The following AK5 variants were observed in gnomAD, a reference collection of about 807,000 sequenced individuals.
AK5 encodes the protein adenylate kinase isoenzyme 5.
AK5 carries 27 observed loss-of-function variants against 69.5 expected under a neutral mutation model. The ratio of observed to expected loss-of-function variants is 0.39; its 90% CI spans 0.29 to 0.54. The LOEUF is 0.54. Among genes scored for constraint, AK5 ranks in the 20% least tolerant of loss-of-function variants. AK5 has a pLI of 0.71. For missense variants in AK5, 531 were observed against 700.4 expected, an observed-to-expected ratio of 0.76 and a Z score of 2.73; for synonymous variants, 260 against 244.4, an observed-to-expected ratio of 1.06 and a Z score of -0.60.
chr1:77,471,132 T>G (rs1360395172), intron 8 of AK5, among the ~76,000 whole-genome samples: 1 of 151,762 alleles, frequency 6.6e-6, no homozygotes, highest in Non-Finnish European at 1.5e-5. Context: ...TCCACCCGCC[T>G]CAGCCTCCCA....
chr1:77,359,595 A>T (rs1043610094), intron 6 of AK5, among the ~76,000 whole-genome samples: 4 of 152,248 alleles, frequency 2.6e-5, no homozygotes, highest in African/African-American at 9.6e-5. Context: ...AAAACATAAC[A>T]GTAAACCAGC....
intron 8 of AK5, among the ~76,000 whole-genome samples, chr1:77,467,739 T>G (rs1288070331): frequency 1.3e-5 from 2 of 152,214 alleles, no homozygotes; most frequent in African/African-American, 4.8e-5. Context: ...CCCACTGTCC[T>G]TTAAAGTTTT....
At chr1:77,378,822 T>G (rs367845901) in intron 6 of AK5, among the ~76,000 whole-genome samples, 1 of 152,166 alleles carries the variant, frequency 6.6e-6, no homozygotes, top group African/African-American at 2.4e-5. Context: ...ATGCTTACAA[T>G]CTCTAGGCTG....
At chr1:77,484,847 A>G (rs542348571) in intron 9 of AK5, among the ~76,000 whole-genome samples, 2 of 152,380 alleles carry the variant, frequency 1.3e-5, no homozygotes, top group African/African-American at 4.8e-5. Context: ...ATATCACAAC[A>G]TAAACATGTT....
intron 3 of AK5, among the ~76,000 whole-genome samples, chr1:77,294,349 C>CA (rs1196561040): frequency 6.6e-6 from 1 of 152,038 alleles, no homozygotes; most frequent in Non-Finnish European, 1.5e-5. Context: ...CAGGCTGAGC[C>CA]AGGAGGATCC....
intron 13 of AK5, among the ~76,000 whole-genome samples, chr1:77,552,186 C>A (rs1268018393): frequency 2.0e-5 from 3 of 152,114 alleles, no homozygotes; most frequent in Admixed American, 2.0e-4. Flanking sequence ...GTAGCCAGAA[C>A]TTTCCTTACT....
At chr1:77,535,706 T>A in intron 12 of AK5, 141 bp from the exon 13 acceptor site, 1 of 673,518 alleles carries the variant, frequency 1.5e-6, no homozygotes, top group Non-Finnish European at 2.4e-6. Context: ...TGGAGTCCAG[T>A]CCCAGCTGCA....
chr1:77,324,792 C>T (rs1660712274), intron 5 of AK5, among the ~76,000 whole-genome samples: 1 of 151,886 alleles, frequency 6.6e-6, no homozygotes. Flanking sequence ...AGAGACTGTT[C>T]CTGATTGTCT....
At chr1:77,331,812 C>T (rs895824594) in intron 5 of AK5, among the ~76,000 whole-genome samples, 8 of 152,146 alleles carry the variant, frequency 5.3e-5, no homozygotes, top group African/African-American at 1.9e-4. Context: ...AGTGAAGCCA[C>T]CTAGGTCTAT....
intron 8 of AK5, among the ~76,000 whole-genome samples, chr1:77,458,680 C>T (rs1653647295): frequency 1.3e-5 from 2 of 152,176 alleles, no homozygotes; most frequent in Admixed American, 1.3e-4. Flanking sequence ...CATTCACTAT[C>T]AGGAGAACAG....
At chr1:77,425,310 G>C (rs1651125839) in intron 8 of AK5, among the ~76,000 whole-genome samples, 1 of 152,178 alleles carries the variant, frequency 6.6e-6, no homozygotes, top group Admixed American at 6.5e-5. Context: ...ATAGAGCCAG[G>C]CATGGTGGCT....
intron 12 of AK5, chr1:77,532,368 C>T (rs1034507900): frequency 1.3e-5 from 2 of 152,398 alleles, no homozygotes; most frequent in African/African-American, 4.8e-5. Context: ...CCCACTCGCT[C>T]CCTTTCCCAC....
At chr1:77,283,253 A>T (rs1405800592) in intron 1 of AK5, 1 of 985,362 alleles carries the variant, frequency 1.0e-6, no homozygotes, top group African/African-American at 1.7e-5. Context: ...ATTTGAATTT[A>T]AAAACATTCC....
intron 10 of AK5, among the ~76,000 whole-genome samples, chr1:77,513,700 A>G (rs1657477626): frequency 6.6e-6 from 1 of 152,080 alleles, no homozygotes; most frequent in Admixed American, 6.6e-5. Flanking sequence ...ATTAGCCAGG[A>G]GTGGTGGCAC....
intron 10 of AK5, among the ~76,000 whole-genome samples, chr1:77,513,351 C>T (rs758158541): frequency 8.5e-5 from 13 of 152,276 alleles, no homozygotes; most frequent in Middle Eastern, 3.4e-3. Flanking sequence ...TTCCCCTGTC[C>T]ATCCTCCCCA....
At chr1:77,395,058 A>C (rs1461310919) in intron 6 of AK5, among the ~76,000 whole-genome samples, 1 of 152,046 alleles carries the variant, frequency 6.6e-6, no homozygotes, top group Non-Finnish European at 1.5e-5. Context: ...AAAGAAGGAG[A>C]TCACTTTGGG....
At chr1:77,418,931 A>G (rs887087676) in intron 8 of AK5, among the ~76,000 whole-genome samples, 2 of 152,192 alleles carry the variant, frequency 1.3e-5, no homozygotes, top group African/African-American at 4.8e-5. Flanking sequence ...GTTTATAGTA[A>G]TTTTTAACAT....
chr1:77,537,030 G>T lies in AK5; in HGVS notation c.1620+992G>T, dbSNP rs375118186. The stretch of plus-strand genomic sequence containing the variant: ...CCATAGTCCATCAATTGCACTAGTG[G>T]TTTGGATGCAAATAAATAAGATTCT... On this transcript the variant is annotated intron_variant, in intron 13 of 13. Coordinates refer to ENST00000354567, the MANE Select transcript of AK5 (RefSeq NM_174858.3). Among the ~76,000 whole-genome samples, 29 of 152,268 alleles carry T rather than the reference G, an allele frequency of 1.9e-4. No homozygotes were observed. The East Asian group carries it at 4.1e-3, about 21-fold the overall frequency.
At chr1:77,308,147 A>G (rs1459497785) in intron 5 of AK5, among the ~76,000 whole-genome samples, 4 of 152,196 alleles carry the variant, frequency 2.6e-5, no homozygotes, top group Non-Finnish European at 5.9e-5. Flanking sequence ...AGCTGTTATC[A>G]TGGAAGAAAG....
Sources: allele counts gnomAD v4.1 joint callset (sites outside exome capture counted in the v4.1 genomes callset), GRCh38; gene constraint gnomAD v4.1.1; transcripts MANE v1.5; gene names NCBI Gene and HGNC (gene_info 2026-07-23, HGNC 2026-07-21).